The following PDZD9 variants were observed in gnomAD, a reference collection of about 807,000 sequenced individuals.
PDZD9 encodes the protein PDZ domain-containing protein 9.
A neutral mutation model predicts 16.3 loss-of-function variants in PDZD9; 13 were observed. That is an observed-to-expected ratio of 0.80 (90% CI 0.52 to 1.27). PDZD9 has a LOEUF of 1.27. PDZD9 is among the 50% of genes most tolerant of loss of function. The pLI, the probability that PDZD9 is intolerant of heterozygous loss-of-function variation, is 0.00. For missense variants in PDZD9, 288 were observed against 310.9 expected, an observed-to-expected ratio of 0.93 and a Z score of 0.55; for synonymous variants, 120 against 111.0, an observed-to-expected ratio of 1.08 and a Z score of -0.51.
the PDZD9 span, chr16:21,965,475 C>G: frequency 6.2e-7 from 1 of 1,608,904 alleles, no homozygotes; most frequent in Non-Finnish European, 8.5e-7. Flanking sequence ...ATTGTCCTGA[C>G]TATAGGATTG....
chr16:21,982,445 C>T (rs1176200620), downstream of PDZD9, among the ~76,000 whole-genome samples: 1 of 152,172 alleles, frequency 6.6e-6, no homozygotes, highest in Non-Finnish European at 1.5e-5. Flanking sequence ...AAGTATATCC[C>T]TGCCTGAAGC....
At chr16:21,965,569 C>A in the PDZD9 span, 2 of 1,317,962 alleles carry the variant, frequency 1.5e-6, no homozygotes, top group South Asian at 1.7e-5. Context: ...TCTCCCATTT[C>A]AGGTTTGTTT....
At position 21,984,678 on chromosome 16, in the gene PDZD9, G is replaced by A. The variant is rs756960313; in HGVS notation, c.402-18C>T. On this transcript the variant is annotated intron_variant, in intron 3 of 3. Coordinates refer to ENST00000424898, the MANE Select transcript of PDZD9 (RefSeq NM_001363519.1). ...TTGGTGTGCTGAAATGAAAAGAATA[G>A]TGAATAAAATAGATTCTTCATGTCT... is the stretch of plus-strand genomic sequence containing the variant. 2.0e-6 allele frequency: 3 copies of A among 1,479,732 alleles called. No homozygotes were observed. In the African/African-American group the frequency reaches 4.2e-5, roughly 21 times the overall value. The allele number at this position is 1,479,732 out of a possible 1,614,324, so 91.7% of individuals were successfully genotyped here. A position where few individuals can be genotyped will look rare whatever the true frequency, so the allele number is the denominator to read the frequency against.
At chr16:21,990,160 C>G (rs1898988249) in intron 2 of PDZD9, among the ~76,000 whole-genome samples, 1 of 152,174 alleles carries the variant, frequency 6.6e-6, no homozygotes, top group Non-Finnish European at 1.5e-5. Flanking sequence ...ACCCTGGCTG[C>G]TACAACGGCA....
chr16:21,961,664 A>ATATATATATATG, the PDZD9 span, among the ~76,000 whole-genome samples: 75 of 103,980 alleles, frequency 7.2e-4, 1 homozygote, highest in Middle Eastern at 5.1e-3. Flanking sequence ...ATATATATAT[A>ATATATATATATG]TATATTTTAG....
the PDZD9 span, among the ~76,000 whole-genome samples, chr16:21,973,351 G>T: frequency 6.6e-6 from 1 of 152,068 alleles, no homozygotes; most frequent in African/African-American, 2.4e-5. Context: ...CTGCAAATCG[G>T]GTTCACCCTA....
At chr16:21,974,653 A>G in the PDZD9 span, among the ~76,000 whole-genome samples, 1 of 152,316 alleles carries the variant, frequency 6.6e-6, no homozygotes, top group African/African-American at 2.4e-5. Context: ...GGTGTGGGCT[A>G]GTGGAGCTTA....
At chr16:21,982,202 C>T (rs1456951228), downstream of PDZD9, among the ~76,000 whole-genome samples, 7 of 151,940 alleles carry the variant, frequency 4.6e-5, no homozygotes, top group Non-Finnish European at 1.0e-4. Context: ...GCGTCCCAAC[C>T]CGACTGCTTC....
chr16:21,995,171 T>G (rs1183120537), intron 2 of PDZD9: 5 of 452,198 alleles, frequency 1.1e-5, no homozygotes, highest in Non-Finnish European at 1.8e-5. Flanking sequence ...TGAGATCTGG[T>G]TGTTTAAACG....
the PDZD9 span, chr16:21,959,608 C>T: frequency 1.3e-5 from 2 of 152,712 alleles, no homozygotes; most frequent in Non-Finnish European, 2.9e-5. Flanking sequence ...TTGACATCCT[C>T]CCATGAGTCA....
chr16:21,973,797 A>G, the PDZD9 span: 1 of 1,007,002 alleles, frequency 9.9e-7, no homozygotes. Flanking sequence ...TATTTTGTTT[A>G]TACCGTGAAG....
At chr16:21,958,690 T>A in the PDZD9 span, 447 of 1,106,746 alleles carry the variant, frequency 4.0e-4, 1 homozygote, top group Non-Finnish European at 5.7e-4. Context: ...AGGTTGAGGA[T>A]TTCTTAAGCA....
At chr16:21,970,817 C>T in the PDZD9 span, among the ~76,000 whole-genome samples, 3 of 152,162 alleles carry the variant, frequency 2.0e-5, no homozygotes, top group African/African-American at 7.2e-5. Context: ...AACTCCTGAG[C>T]TCAGGTGATC....
downstream of PDZD9, among the ~76,000 whole-genome samples, chr16:21,979,951 C>T (rs114465421): frequency 2.1e-4 from 32 of 152,248 alleles, no homozygotes; most frequent in African/African-American, 7.5e-4. Context: ...ATGAGATAAT[C>T]AATGCTTCCT....
the PDZD9 span, chr16:21,961,363 C>T: frequency 2.3e-6 from 1 of 444,390 alleles, no homozygotes; most frequent in South Asian, 1.6e-5. Flanking sequence ...CATGATGAGA[C>T]CACTATACAG....
At chr16:21,965,408 A>C in the PDZD9 span, 1 of 1,613,648 alleles carries the variant, frequency 6.2e-7, no homozygotes, top group African/African-American at 1.3e-5. Context: ...TATCTCACAG[A>C]TGTCATTGAA....
At chr16:21,996,763 A>T (rs143132970) in intron 1 of PDZD9, among the ~76,000 whole-genome samples, 1 of 152,320 alleles carries the variant, frequency 6.6e-6, no homozygotes, top group East Asian at 1.9e-4. Flanking sequence ...CACTTAACAA[A>T]TATTTATTGA....
the PDZD9 span, chr16:21,962,772 T>C: frequency 3.4e-5 from 55 of 1,614,170 alleles, no homozygotes; most frequent in South Asian, 5.8e-4. Flanking sequence ...GATATTCTAA[T>C]GGAGTTCCTG....
the PDZD9 span, among the ~76,000 whole-genome samples, chr16:21,966,598 G>A: frequency 7.9e-5 from 12 of 152,146 alleles, no homozygotes; most frequent in Admixed American, 6.5e-4. Flanking sequence ...AAACTAAACT[G>A]TATCCCTTGC....
Sources: allele counts gnomAD v4.1 joint callset (sites outside exome capture counted in the v4.1 genomes callset), GRCh38; gene constraint gnomAD v4.1.1; transcripts MANE v1.5; gene names NCBI Gene and HGNC (gene_info 2026-07-23, HGNC 2026-07-21).